LHFPL3: variants seen among roughly 807,000 people sequenced by gnomAD.
LHFPL3 encodes LHFPL tetraspan subfamily member 3 protein.
A neutral mutation model predicts 19.3 loss-of-function variants in LHFPL3; 5 were observed. The ratio of observed to expected loss-of-function variants is 0.26; its 90% CI spans 0.14 to 0.54. LHFPL3 has a LOEUF of 0.54. Among genes scored for constraint, LHFPL3 ranks in the 20% least tolerant of loss-of-function variants. The pLI, the probability that LHFPL3 is intolerant of heterozygous loss-of-function variation, is 0.94. For synonymous variants in LHFPL3, 133 were observed against 126.2 expected (o/e 1.05, Z -0.36); for missense variants, 249 against 307.4 (o/e 0.81, Z 1.42).
chr7:104,628,353 T>A (rs531853007), intron 1 of LHFPL3, among the ~76,000 whole-genome samples: 2 of 152,158 alleles, frequency 1.3e-5, no homozygotes, highest in East Asian at 1.9e-4. Flanking sequence ...TCAGCTAAGA[T>A]AGCACAACAG....
intron 1 of LHFPL3, among the ~76,000 whole-genome samples, chr7:104,471,715 T>C (rs1334031834): frequency 1.3e-5 from 2 of 152,240 alleles, no homozygotes. Flanking sequence ...CATTTTATTT[T>C]AATTAATAGA....
chr7:104,384,686 C>G (rs1384337838), intron 1 of LHFPL3, among the ~76,000 whole-genome samples: 3 of 149,754 alleles, frequency 2.0e-5, no homozygotes, highest in Non-Finnish European at 4.4e-5. Flanking sequence ...ACTTGGGAGG[C>G]TGAGGCAGGA....
rs566959768 is a variant in LHFPL3, at chr7:104,850,900, A to C, written c.683-55287A>C. Among the ~76,000 whole-genome samples the C allele has an allele frequency of 1.5e-3, 222 of 151,974 alleles. 1 individual carries two copies. Among genetic ancestry groups the C allele is most frequent in the African/African-American group, 5.1e-3 (210 of 41,456 alleles). ...AAATGTAGGTTCTGACCCCTCACCC[A>C]CAGAGATTTAGAAGTTCTGCAGTGG... is the stretch of plus-strand genomic sequence containing the variant. On this transcript the variant is annotated intron_variant, in intron 2 of 2. Transcript: ENST00000424859.
chr7:104,491,865 A>G (rs1169588098), intron 1 of LHFPL3, among the ~76,000 whole-genome samples: 1 of 152,238 alleles, frequency 6.6e-6, no homozygotes, highest in Non-Finnish European at 1.5e-5. Flanking sequence ...CCAACACAGA[A>G]CACAAAATAC....
intron 1 of LHFPL3, among the ~76,000 whole-genome samples, chr7:104,656,885 G>C (rs1409771525): frequency 6.6e-6 from 1 of 152,218 alleles, no homozygotes; most frequent in African/African-American, 2.4e-5. Context: ...AAAGATCGTG[G>C]TGTATAGCAC....
chr7:104,630,129 A>G (rs190867683), intron 1 of LHFPL3, among the ~76,000 whole-genome samples: 89 of 152,308 alleles, frequency 5.8e-4, no homozygotes, highest in Non-Finnish European at 4.6e-4. Flanking sequence ...GGAGTTTGTG[A>G]CTTAATGGCA....
At chr7:104,755,601 CAG>C (rs67221966) in intron 2 of LHFPL3, among the ~76,000 whole-genome samples, 42 of 151,600 alleles carry the variant, frequency 2.8e-4, no homozygotes, top group African/African-American at 9.9e-4. Flanking sequence ...CACACACACA[CAG>C]AGAGAAACAC....
chr7:104,530,320 G>A (rs1794272239), intron 1 of LHFPL3, among the ~76,000 whole-genome samples: 1 of 152,202 alleles, frequency 6.6e-6, no homozygotes, highest in Non-Finnish European at 1.5e-5. Context: ...ATCACTTTGT[G>A]CTGGAGGCCA....
At chr7:104,765,615 C>A (rs1303836040) in intron 2 of LHFPL3, among the ~76,000 whole-genome samples, 1 of 152,184 alleles carries the variant, frequency 6.6e-6, no homozygotes, top group Non-Finnish European at 1.5e-5. Context: ...CCATCTTTAA[C>A]TAATAGTTAT....
chr7:104,581,260 A>T (rs1229375456), intron 1 of LHFPL3, among the ~76,000 whole-genome samples: 1 of 152,054 alleles, frequency 6.6e-6, no homozygotes, highest in Non-Finnish European at 1.5e-5. Context: ...TTGTTTTAAA[A>T]TCCTTGAAGA....
intron 2 of LHFPL3, among the ~76,000 whole-genome samples, chr7:104,819,961 G>A (rs547758457): frequency 1.6e-4 from 24 of 152,244 alleles, no homozygotes; most frequent in Middle Eastern, 3.4e-3. Flanking sequence ...AAAACGAGCC[G>A]ATTGTGATCT....
intron 1 of LHFPL3, among the ~76,000 whole-genome samples, chr7:104,715,677 A>T (rs188343131): frequency 9.2e-5 from 14 of 152,138 alleles, no homozygotes; most frequent in Non-Finnish European, 1.9e-4. Flanking sequence ...TTATTCTGTT[A>T]TTGTGGCATA....
chr7:104,485,266 C>G lies in LHFPL3; in HGVS notation c.445+156042C>G, dbSNP rs1405280381. Among the ~76,000 whole-genome samples, 3 of 125,568 alleles carry G rather than the reference C, an allele frequency of 2.4e-5. No individual in the cohort carries two copies. The East Asian group carries it at 6.2e-4, about 26-fold the overall frequency. The allele number at this position is 125,568 out of a possible 152,430, so 82.4% of individuals were successfully genotyped here. A position where few individuals can be genotyped will look rare whatever the true frequency, so the allele number is the denominator to read the frequency against. On this transcript the variant is annotated intron_variant, in intron 1 of 2. Transcript: ENST00000424859. ...AAAGGCAGTTTTTGCATGATAATCC[C>G]TATTTTATGGAGTGTTCTTTAAAAA...
chr7:104,698,330 A>C (rs1283318830), intron 1 of LHFPL3, among the ~76,000 whole-genome samples: 2 of 152,230 alleles, frequency 1.3e-5, no homozygotes, highest in Non-Finnish European at 2.9e-5. Flanking sequence ...TCATAAACTT[A>C]CCAATTAAAG....
At chr7:104,767,038 T>A (rs992926853) in intron 2 of LHFPL3, among the ~76,000 whole-genome samples, 2 of 152,214 alleles carry the variant, frequency 1.3e-5, no homozygotes, top group East Asian at 3.8e-4. Flanking sequence ...GCTGAAAGAA[T>A]CACTGAATAG....
At chr7:104,860,178 CCACA>C (rs10534227) in intron 2 of LHFPL3, among the ~76,000 whole-genome samples, 2,906 of 128,826 alleles carry the variant, frequency 0.023, 77 homozygotes, top group African/African-American at 0.056. Flanking sequence ...ATACACCCAC[CCACA>C]CACACACACA....
intron 1 of LHFPL3, among the ~76,000 whole-genome samples, chr7:104,606,512 A>G (rs1219520011): frequency 6.6e-6 from 1 of 152,200 alleles, no homozygotes; most frequent in Non-Finnish European, 1.5e-5. Flanking sequence ...GTAAAAAGGT[A>G]AAAAGTGAAG....
At chr7:104,593,497 G>A (rs1472683053) in intron 1 of LHFPL3, among the ~76,000 whole-genome samples, 7 of 152,238 alleles carry the variant, frequency 4.6e-5, no homozygotes, top group East Asian at 1.9e-4. Flanking sequence ...GTGTGGTGCC[G>A]AGAAGAATGT....
At chr7:104,440,035 T>TG (rs1554394354) in intron 1 of LHFPL3, among the ~76,000 whole-genome samples, 9,064 of 84,396 alleles carry the variant, frequency 0.11, 417 homozygotes, top group Non-Finnish European at 0.16. Context: ...ATACAAAGCC[T>TG]GGGGGGGGGG....
Sources: allele counts gnomAD v4.1 joint callset (sites outside exome capture counted in the v4.1 genomes callset), GRCh38; gene constraint gnomAD v4.1.1; transcripts MANE v1.5; gene names NCBI Gene and HGNC (gene_info 2026-07-23, HGNC 2026-07-21).